The following PKHD1 variants were observed in gnomAD, a reference collection of about 807,000 sequenced individuals.
The protein encoded by PKHD1 is fibrocystin.
Under a neutral mutation model 412.0 loss-of-function variants are expected in PKHD1, and 291 were observed. The observed-to-expected ratio is 0.71, with a 90% confidence interval of 0.64 to 0.78. The LOEUF (loss-of-function observed/expected upper bound fraction) is 0.78, where lower values mean the gene tolerates loss of function less well. Ranked by LOEUF, PKHD1 falls within the 30% of genes least tolerant of loss-of-function variation. The pLI, the probability that PKHD1 is intolerant of heterozygous loss-of-function variation, is 0.00. For synonymous variants in PKHD1, 1,777 were observed against 1,821.5 expected, an observed-to-expected ratio of 0.98 and a Z score of 0.62; for missense variants, 4,825 against 4,950.7, an observed-to-expected ratio of 0.97 and a Z score of 0.76.
intron 66 of PKHD1, 29 bp downstream of exon 66, chr6:51,626,967 GT>G: frequency 6.2e-7 from 1 of 1,612,090 alleles, no homozygotes; most frequent in Non-Finnish European, 8.5e-7. Context: ...GGTCTCTCCT[GT>G]GGGGATCATC....
intron 27 of PKHD1, 128 bp from the exon 28 acceptor site, chr6:52,035,849 A>C: frequency 1.1e-5 from 10 of 900,366 alleles, no homozygotes; most frequent in Non-Finnish European, 1.8e-5. Context: ...GGCAATGCTC[A>C]AACTGCAGGA....
At chr6:51,958,862 G>T (rs944703394) in intron 36 of PKHD1, among the ~76,000 whole-genome samples, 2 of 151,286 alleles carry the variant, frequency 1.3e-5, no homozygotes, top group Non-Finnish European at 3.0e-5. Context: ...CAAAGACAGG[G>T]CAAGAGCCCA....
intron 60 of PKHD1, among the ~76,000 whole-genome samples, chr6:51,661,397 A>T (rs1772846600): frequency 6.6e-6 from 1 of 152,150 alleles, no homozygotes; most frequent in Admixed American, 6.6e-5. Flanking sequence ...GAAGAGGTAG[A>T]TGGAGGGGAA....
At chr6:51,753,407 T>G (rs971489148) in intron 56 of PKHD1, 54 bp from the exon 57 acceptor site, 1 of 1,476,234 alleles carries the variant, frequency 6.8e-7, no homozygotes, top group Non-Finnish European at 9.5e-7. Context: ...GTTTCAAAAA[T>G]CACTAGCTGG....
intron 5 of PKHD1, among the ~76,000 whole-genome samples, chr6:52,077,287 C>T (rs1811458540): frequency 6.6e-6 from 1 of 152,174 alleles, no homozygotes; most frequent in Non-Finnish European, 1.5e-5. Context: ...ATTACTCCAT[C>T]AGGAAATCAC....
At chr6:51,664,149 CTTAT>C (rs774113694) in intron 60 of PKHD1, among the ~76,000 whole-genome samples, 3 of 151,948 alleles carry the variant, frequency 2.0e-5, no homozygotes, top group African/African-American at 4.8e-5. Context: ...CCCATTATTA[CTTAT>C]TTATTTATTT....
At chr6:51,833,192 G>C (rs1256984633) in intron 51 of PKHD1, among the ~76,000 whole-genome samples, 1 of 152,088 alleles carries the variant, frequency 6.6e-6, no homozygotes, top group African/African-American at 2.4e-5. Context: ...CTCACGCCAA[G>C]CTTCAGGAAT....
At chr6:51,714,347 G>A (rs1190831936) in intron 60 of PKHD1, among the ~76,000 whole-genome samples, 2 of 144,034 alleles carry the variant, frequency 1.4e-5, no homozygotes, top group African/African-American at 5.3e-5. Flanking sequence ...TCTAGCCTGG[G>A]TGACAGAGTG....
chr6:51,942,373 G>A (rs536461291), intron 36 of PKHD1, among the ~76,000 whole-genome samples: 9 of 151,752 alleles, frequency 5.9e-5, no homozygotes, highest in South Asian at 4.1e-4. Flanking sequence ...AGCCGCTGCC[G>A]CCCTAATACT....
chr6:51,889,152 C>T (rs1047525187), intron 43 of PKHD1, among the ~76,000 whole-genome samples: 3 of 151,878 alleles, frequency 2.0e-5, no homozygotes, highest in East Asian at 1.9e-4. Flanking sequence ...CTGGCTGGTG[C>T]GAGACAAGGA....
intron 60 of PKHD1, among the ~76,000 whole-genome samples, chr6:51,680,528 G>A (rs375504838): frequency 2.0e-5 from 3 of 152,018 alleles, no homozygotes; most frequent in African/African-American, 7.2e-5. Flanking sequence ...CCAGGTATAT[G>A]TTCTATTTTG....
In PKHD1 at chr6:51,659,007, T is replaced by G; in HGVS notation, c.11119A>C (p.Asn3707His). Residue 3707 changes from asparagine (N) to histidine (H), a missense_variant, in exon 61 of 67, where the codon AAT (asparagine) becomes CAT (histidine). Transcript: ENST00000371117. Reference sequence around the variant, plus strand: ...ACTAGTAAGGCCCCGATAGTCATATTCAGAACATTCTCTAGTACCCCAGTC... The same window carrying G: ...ACTAGTAAGGCCCCGATAGTCATATGCAGAACATTCTCTAGTACCCCAGTC... ...QQTGVLENVL[N>H]MTIGALLVTQ... is the part of the protein sequence containing the mutation. 6.2e-7 allele frequency: 1 copy of G among 1,613,264 alleles called. No individual in the cohort carries two copies. Among genetic ancestry groups the G allele is most frequent in the South Asian group, 1.1e-5 (1 of 91,068 alleles).
intron 35 of PKHD1, among the ~76,000 whole-genome samples, chr6:52,001,106 A>G (rs1364691527): frequency 2.0e-5 from 3 of 152,240 alleles, no homozygotes. Context: ...AACATTGAAT[A>G]CAGAAACCCA....
At position 52,055,074 on chromosome 6, in the gene PKHD1, C is replaced by T. The variant is rs970309633; in HGVS notation, c.1836+513G>A. 5.9e-5 allele frequency among the ~76,000 whole-genome samples: 9 copies of T among 152,316 alleles called. 1 individual carries two copies. In the South Asian group the frequency reaches 1.9e-3, roughly 32 times the overall value. On this transcript the variant is annotated intron_variant, in intron 19 of 66. Transcript: ENST00000371117. ...TGCGAAATGCATCAGACAATTCAAT[C>T]CATCAATAATGACAACAACTAGAGT...
intron 49 of PKHD1, among the ~76,000 whole-genome samples, chr6:51,853,983 G>A (rs954287482): frequency 6.6e-6 from 1 of 152,146 alleles, no homozygotes; most frequent in Non-Finnish European, 1.5e-5. Context: ...GTGATCATTT[G>A]GAGGAGAAGA....
At chr6:51,883,546 T>C (rs1221114913) in intron 45 of PKHD1, among the ~76,000 whole-genome samples, 1 of 152,218 alleles carries the variant, frequency 6.6e-6, no homozygotes, top group Non-Finnish European at 1.5e-5. Context: ...AGAAAAACAT[T>C]GCATCCAAGA....
intron 23 of PKHD1, 83 bp from the exon 24 acceptor site, chr6:52,046,271 A>G: frequency 2.9e-6 from 3 of 1,052,042 alleles, no homozygotes; most frequent in Admixed American, 3.4e-5. Flanking sequence ...ATAACACGAT[A>G]CATACTAGGA....
rs374233100 is a variant in PKHD1 at position 52,025,971 on chromosome 6, C to T, written c.3839G>A (p.Arg1280His). The change falls in exon 32 of 67, where the codon CGT becomes CAT. Residue 1280 changes from arginine to histidine, a missense_variant. Arg to His is a conservative substitution (Grantham distance 29). Transcript: ENST00000371117. ...CCCCACCAAGCTTGGTGAAGGACCA[C>T]GGGCGAAGAACCTGTTGCCAGCCCA... ...EVWAGNRFFARGPSPSLVGKG... is the reference protein window; with the variant it reads ...EVWAGNRFFAHGPSPSLVGKG... 3.0e-5 allele frequency: 48 copies of T among 1,614,016 alleles called. No individual in the cohort carries two copies. Among genetic ancestry groups the T allele is most frequent in the African/African-American group, 2.0e-4 (15 of 74,916 alleles).
At chr6:51,664,211 A>C (rs1773334086) in intron 60 of PKHD1, among the ~76,000 whole-genome samples, 1 of 152,142 alleles carries the variant, frequency 6.6e-6, no homozygotes, top group African/African-American at 2.4e-5. Flanking sequence ...CTGGTCACCC[A>C]AGCCATTTCT....
Sources: allele counts gnomAD v4.1 joint callset (sites outside exome capture counted in the v4.1 genomes callset), GRCh38; gene constraint gnomAD v4.1.1; transcripts MANE v1.5; gene names NCBI Gene and HGNC (gene_info 2026-07-23, HGNC 2026-07-21).